SCN1A: variants seen among roughly 807,000 people sequenced by gnomAD.
The protein encoded by SCN1A is sodium voltage-gated channel alpha subunit 1, also known as sodium channel protein type 1 subunit alpha.
In SCN1A, 13 loss-of-function variants were observed where a neutral mutation model predicts 193.7. The ratio of observed to expected loss-of-function variants is 0.07; its 90% CI spans 0.04 to 0.11. The LOEUF (loss-of-function observed/expected upper bound fraction) is 0.11, where lower values mean the gene tolerates loss of function less well. SCN1A is among the 10% of genes least tolerant of loss of function. The probability of loss-of-function intolerance (pLI) is 1.00; values close to 1 mark genes in which losing one functional copy is unlikely to be tolerated. For synonymous variants in SCN1A, 781 were observed against 843.6 expected (o/e 0.93, Z 1.29); for missense variants, 1,432 against 2,451.1 (o/e 0.58, Z 8.78).
intron 2 of SCN1A, among the ~76,000 whole-genome samples, chr2:166,125,054 A>G (rs1691079689): frequency 6.6e-6 from 1 of 152,230 alleles, no homozygotes. Context: ...ATTCTGTCAC[A>G]ACTTATTTTT....
At chr2:166,054,134 CTTCT>C (rs1347042484) in intron 7 of SCN1A, among the ~76,000 whole-genome samples, 1 of 151,904 alleles carries the variant, frequency 6.6e-6, no homozygotes, top group East Asian at 1.9e-4. Flanking sequence ...TTTCAAGTAT[CTTCT>C]TTCTTCTCTT....
intron 3 of SCN1A, chr2:166,077,252 T>C (rs1191933355): frequency 2.0e-5 from 3 of 151,766 alleles, no homozygotes; most frequent in Admixed American, 6.6e-5. Context: ...CTGTGAAAGA[T>C]ACTATCAAGA....
chr2:166,018,907 A>C (rs867954062), intron 19 of SCN1A, among the ~76,000 whole-genome samples: 32 of 152,276 alleles, frequency 2.1e-4, no homozygotes, highest in Admixed American at 5.9e-4. Context: ...TTAATAACAT[A>C]AGATTGTATG....
At chr2:166,047,094 A>C in intron 11 of SCN1A, 118 bp from the exon 12 acceptor site, 1 of 1,145,840 alleles carries the variant, frequency 8.7e-7, no homozygotes, top group Non-Finnish European at 1.3e-6. Context: ...TATGTTGGTC[A>C]TAGCACCCTG....
In SCN1A at chr2:166,142,631, G is replaced by A. The variant is rs1042565342; in HGVS notation, c.-50+6416C>T. The stretch of plus-strand genomic sequence containing the variant: ...TTCATATGGAAGGTTGACACCTGTT[G>A]TACTTTCCTTACCTCTCTGAATAAA... On this transcript the variant is annotated intron_variant, in intron 1 of 26. Transcript: ENST00000635750. 1.5e-4 allele frequency among the ~76,000 whole-genome samples: 23 copies of A among 152,270 alleles called. No homozygotes were observed. The East Asian group carries it at 1.7e-3, about 11-fold the overall frequency.
chr2:166,014,795 C>A (rs571173147), intron 20 of SCN1A, among the ~76,000 whole-genome samples: 34 of 151,596 alleles, frequency 2.2e-4, no homozygotes, highest in African/African-American at 7.5e-4. Context: ...AGAAAAGTAA[C>A]ATGTAACTGT....
intron 1 of SCN1A, among the ~76,000 whole-genome samples, chr2:166,147,112 G>A (rs1007079516): frequency 6.6e-6 from 1 of 152,112 alleles, no homozygotes; most frequent in Non-Finnish European, 1.5e-5. Flanking sequence ...CAGTAAGTCT[G>A]TCATGAGGCC....
chr2:166,002,834 T>C (rs1387829215), intron 23 of SCN1A, 81 bp from the exon 24 acceptor site: 20 of 1,133,746 alleles, frequency 1.8e-5, no homozygotes, highest in Non-Finnish European at 2.2e-5. Flanking sequence ...TAATCTCTGG[T>C]CTTTCCATTC....
chr2:166,051,163 AATG>A (rs1478538615), intron 9 of SCN1A, among the ~76,000 whole-genome samples: 4 of 151,992 alleles, frequency 2.6e-5, no homozygotes, highest in African/African-American at 9.7e-5. Flanking sequence ...CAGCCTTCCA[AATG>A]ATGATAAAAT....
At position 165,992,392 on chromosome 2, in the gene SCN1A, T is replaced by C; in HGVS notation, c.4883A>G (p.Tyr1628Cys). The C allele has an allele frequency of 6.2e-7, 1 of 1,613,596 alleles. No homozygotes were observed. Among genetic ancestry groups the C allele is most frequent in the East Asian group, 2.2e-5 (1 of 44,826 alleles). ...GMFLAELIEK[Y>C]FVSPTLFRVI... ...TCGGAACAGGGTAGGGGACACGAAA[T>C]ACTTTTCTATCAGCTCGGCAAGAAA... Residue 1628 changes from tyrosine (Y) to cysteine (C), a missense_variant, in exon 29 of 29, where the codon TAT becomes TGT. By Grantham distance (194) the Tyr-to-Cys change is radical (BLOSUM62 -2). This residue lies in a region of SCN1A where 85 missense variants were observed against 213.2 expected (regional missense o/e 0.40). Transcript: ENST00000674923. The surrounding 1 kb of genome is among the most constrained non-coding windows in gnomAD (Gnocchi z 6.5).
chr2:166,114,891 G>C (rs1689680304), intron 2 of SCN1A, among the ~76,000 whole-genome samples: 1 of 152,084 alleles, frequency 6.6e-6, no homozygotes, highest in African/African-American at 2.4e-5. Context: ...ATATTAACAT[G>C]TTAAAAGCAA....
chr2:166,018,983 G>A (rs534632302), intron 19 of SCN1A, among the ~76,000 whole-genome samples: 381 of 152,186 alleles, frequency 2.5e-3, no homozygotes, highest in Non-Finnish European at 4.5e-3. Flanking sequence ...TTTAAAATAT[G>A]TTAAATGTTT....
intron 2 of SCN1A, among the ~76,000 whole-genome samples, chr2:166,103,566 T>C (rs530382044): frequency 1.5e-4 from 23 of 152,164 alleles, no homozygotes; most frequent in African/African-American, 5.3e-4. Context: ...ATCACTTCTT[T>C]TGGGATATGA....
At chr2:166,053,555 G>A (rs1465484752) in intron 7 of SCN1A, among the ~76,000 whole-genome samples, 1 of 152,028 alleles carries the variant, frequency 6.6e-6, no homozygotes, top group Non-Finnish European at 1.5e-5. Context: ...AATACTTGAT[G>A]AGGGTCCAAT....
chr2:166,068,000 G>A (rs1017166489), intron 4 of SCN1A, among the ~76,000 whole-genome samples: 1 of 152,054 alleles, frequency 6.6e-6, no homozygotes, highest in African/African-American at 2.4e-5. Flanking sequence ...TCTTGTTTTA[G>A]CAGAAGATAG....
chr2:166,002,871 T>TATCAATGCTATTAATGACAA (rs1691126958), intron 23 of SCN1A, 118 bp from the exon 24 acceptor site: 2 of 818,096 alleles, frequency 2.4e-6, no homozygotes, highest in Non-Finnish European at 3.6e-6. Flanking sequence ...CTATTTATTC[T>TATCAATGCTATTAATGACAA]AGGATATGTA....
At position 166,054,627 on chromosome 2, in the gene SCN1A, A is replaced by G; in HGVS notation, c.602+11T>C. On this transcript the variant is annotated intron_variant, in intron 7 of 28. Coordinates refer to ENST00000674923, the MANE Select transcript of SCN1A (RefSeq NM_001165963.4). ...TATGTTCTCTCTTAAAGTTTCAAAA[A>G]AGGCACTTACGCAAATGTAATGACA... The G allele has an allele frequency of 2.5e-6, 4 of 1,611,764 alleles. No homozygotes were observed. Among genetic ancestry groups the G allele is most frequent in the South Asian group, 2.2e-5 (2 of 91,032 alleles).
rs1462666494 is a variant in SCN1A at position 166,007,090 on chromosome 2, GAA to G, written c.4002+2627_4002+2628del. 2 of 148,372 alleles carry G rather than the reference GAA, an allele frequency of 1.3e-5. No individual in the cohort carries two copies. Among genetic ancestry groups the G allele is most frequent in the African/African-American group, 2.5e-5 (1 of 40,268 alleles). 9.2% of individuals were successfully genotyped at this position (148,372 alleles called of 1,614,324 possible). A position where few individuals can be genotyped will look rare whatever the true frequency, so the allele number is the denominator to read the frequency against. On this transcript the variant is annotated intron_variant, in intron 23 of 28. Transcript: ENST00000674923. ...TTTTCAAATGAAATTTAAGACAATT[GAA>G]AAGAGGGGATTAGGATGTAAATAAT...
chr2:166,125,246 T>G (rs936320528), intron 2 of SCN1A, among the ~76,000 whole-genome samples: 8 of 152,188 alleles, frequency 5.3e-5, no homozygotes, highest in Non-Finnish European at 1.0e-4. Context: ...TTGCTGATTC[T>G]CTCCCATCCT....
Sources: gnomAD v4.1 joint callset for allele counts (sites outside exome capture counted in the v4.1 genomes callset) on GRCh38, gnomAD v4.1.1 for gene constraint, gnomAD v4.1.1 regional missense constraint, Gnocchi (gnomAD v3.1) non-coding constraint, MANE v1.5 for transcripts, NCBI Gene and HGNC (gene_info 2026-07-23, HGNC 2026-07-21) for gene names.